Variants in PARD3 observed in about 807,000 individuals in gnomAD.
PARD3 encodes the protein partitioning defective 3 homolog.
PARD3 carries 75 observed loss-of-function variants against 155.4 expected under a neutral mutation model. The ratio of observed to expected loss-of-function variants is 0.48; its 90% CI spans 0.40 to 0.58. The LOEUF (loss-of-function observed/expected upper bound fraction) is 0.58. Among genes scored for constraint, PARD3 ranks in the 20% least tolerant of loss-of-function variants. The pLI is 0.00. For synonymous variants in PARD3, 576 were observed against 610.5 expected (o/e 0.94, Z 0.83); for missense variants, 1,642 against 1,721.7 (o/e 0.95, Z 0.82).
At chr10:34,173,666 C>G (rs1949905343) in intron 22 of PARD3, among the ~76,000 whole-genome samples, 2 of 152,140 alleles carry the variant, frequency 1.3e-5, no homozygotes, top group Admixed American at 6.5e-5. Flanking sequence ...ATCAAACCCT[C>G]CAACATCCCA....
chr10:34,426,399 TGTGCTTGG>T (rs1229919158), intron 5 of PARD3, among the ~76,000 whole-genome samples: 21 of 152,294 alleles, frequency 1.4e-4, no homozygotes, highest in African/African-American at 5.1e-4. Context: ...ACTTTTTGCA[TGTGCTTGG>T]TGGCTTACTT....
At chr10:34,276,315 C>T (rs1955877034) in intron 21 of PARD3, among the ~76,000 whole-genome samples, 1 of 151,830 alleles carries the variant, frequency 6.6e-6, no homozygotes, top group Non-Finnish European at 1.5e-5. Flanking sequence ...AAATAATACA[C>T]AAAATAATGT....
chr10:34,155,929 C>A (rs1215466635), intron 22 of PARD3, among the ~76,000 whole-genome samples: 1 of 152,036 alleles, frequency 6.6e-6, no homozygotes, highest in Non-Finnish European at 1.5e-5. Context: ...AAAAGCAGTA[C>A]AACAAACACA....
chr10:34,632,256 C>T (rs991191697), intron 2 of PARD3, among the ~76,000 whole-genome samples: 28 of 152,198 alleles, frequency 1.8e-4, no homozygotes, highest in African/African-American at 6.5e-4. Flanking sequence ...AAGACCGTGT[C>T]TCAAAAAGAG....
chr10:34,464,560 C>T (rs1002799496), intron 4 of PARD3, among the ~76,000 whole-genome samples: 1 of 152,112 alleles, frequency 6.6e-6, no homozygotes, highest in Non-Finnish European at 1.5e-5. Context: ...TAAATAAGGA[C>T]ATTCTCTGAA....
At chr10:34,508,330 G>A (rs2133519350) in intron 3 of PARD3, among the ~76,000 whole-genome samples, 1 of 152,234 alleles carries the variant, frequency 6.6e-6, no homozygotes, top group South Asian at 2.1e-4. Context: ...CAGATACTTT[G>A]TTTCCCCAAA....
intron 2 of PARD3, among the ~76,000 whole-genome samples, chr10:34,672,105 C>T (rs1434714687): frequency 6.6e-6 from 1 of 152,006 alleles, no homozygotes; most frequent in Non-Finnish European, 1.5e-5. Flanking sequence ...GAGTTCGAGG[C>T]TGCAGTGAGC....
intron 12 of PARD3, among the ~76,000 whole-genome samples, chr10:34,366,701 T>C (rs1057278167): frequency 1.3e-5 from 2 of 152,234 alleles, no homozygotes; most frequent in African/African-American, 4.8e-5. Context: ...TTTATATTTT[T>C]AACTAAGAGA....
chr10:34,368,552 G>T (rs971665994), intron 12 of PARD3, among the ~76,000 whole-genome samples: 2 of 152,066 alleles, frequency 1.3e-5, no homozygotes, highest in African/African-American at 4.8e-5. Context: ...GGCACCTGTA[G>T]TCCCAGCTAC....
chr10:34,785,437 T>C (rs538187749), intron 1 of PARD3, among the ~76,000 whole-genome samples: 1 of 152,254 alleles, frequency 6.6e-6, no homozygotes, highest in South Asian at 2.1e-4. Context: ...TTTTGCATCA[T>C]ACTTTTTTTT....
intron 20 of PARD3, among the ~76,000 whole-genome samples, chr10:34,294,430 G>T (rs1205466727): frequency 2.6e-5 from 4 of 152,328 alleles, no homozygotes; most frequent in Admixed American, 2.6e-4. Context: ...TGGTGGTGGG[G>T]AAGCCCCAGG....
At chr10:34,445,690 T>C (rs1366583132) in intron 5 of PARD3, among the ~76,000 whole-genome samples, 1 of 152,076 alleles carries the variant, frequency 6.6e-6, no homozygotes, top group Non-Finnish European at 1.5e-5. Context: ...ACAATGACAG[T>C]AGAATCATAA....
intron 1 of PARD3, among the ~76,000 whole-genome samples, chr10:34,735,553 G>C (rs1164734614): frequency 5.3e-5 from 8 of 152,102 alleles, no homozygotes; most frequent in Non-Finnish European, 1.2e-4. Context: ...CCAAAATCTG[G>C]CTTATATTAA....
chr10:34,204,801 G>A (rs1951391359), intron 22 of PARD3, among the ~76,000 whole-genome samples: 1 of 152,148 alleles, frequency 6.6e-6, no homozygotes, highest in Non-Finnish European at 1.5e-5. Flanking sequence ...TCTATATTAT[G>A]GGCTCATAAG....
rs1453386599 is a variant in PARD3, at chr10:34,391,855, T to C, written c.890+7475A>G. Reference sequence around the variant, plus strand: ...TATTTCAACTCAAAAACGCAAAACATTAAAAATATTCTCCTAGTGGCCAGA... The same window carrying C: ...TATTTCAACTCAAAAACGCAAAACACTAAAAATATTCTCCTAGTGGCCAGA... On this transcript the variant is annotated intron_variant, in intron 7 of 24. Coordinates refer to ENST00000374788, the MANE Select transcript of PARD3 (RefSeq NM_001184785.2). 3.3e-5 allele frequency among the ~76,000 whole-genome samples: 5 copies of C among 152,294 alleles called. No homozygotes were observed. The South Asian group carries it at 1.0e-3, about 32-fold the overall frequency.
chr10:34,757,422 T>TG (rs1411728592), intron 1 of PARD3, among the ~76,000 whole-genome samples: 1 of 152,200 alleles, frequency 6.6e-6, no homozygotes, highest in African/African-American at 2.4e-5. Flanking sequence ...AAACATGTCC[T>TG]GGCCGGGTGC....
Position 34,317,328 on chromosome 10 carries a change from G to T in PARD3, c.2844C>A (p.Asp948Glu), listed in dbSNP as rs1015431040. Reference sequence around the variant, plus strand: ...TCCCTGATCTTGAACTTTCTTCTGTGTCTTCTTCCACTTGGAAGGAAAGAA... The same window carrying T: ...TCCCTGATCTTGAACTTTCTTCTGTTTCTTCTTCCACTTGGAAGGAAAGAA... ...DDEGMETLEEDTEESSRSGRE... is the reference protein window; with the variant it reads ...DDEGMETLEEETEESSRSGRE... Residue 948 changes from aspartate (D) to glutamate (E), a missense_variant, in exon 20 of 25, where the codon GAC (aspartate) becomes GAA (glutamate). Physicochemically the swap from Asp to Glu is conservative, Grantham distance 45. Transcript: ENST00000374788. 6.3e-7 allele frequency: 1 copy of T among 1,593,396 alleles called. No homozygotes were observed. Among genetic ancestry groups the T allele is most frequent in the Non-Finnish European group, 8.5e-7 (1 of 1,172,940 alleles).
At chr10:34,382,241 C>G (rs1290246072) in intron 9 of PARD3, among the ~76,000 whole-genome samples, 3 of 152,286 alleles carry the variant, frequency 2.0e-5, no homozygotes, top group East Asian at 3.9e-4. Flanking sequence ...CTTTCACAAT[C>G]AAAAATTTTA....
At chr10:34,600,579 G>A (rs2089678591) in intron 2 of PARD3, among the ~76,000 whole-genome samples, 1 of 152,114 alleles carries the variant, frequency 6.6e-6, no homozygotes, top group Non-Finnish European at 1.5e-5. Context: ...CCAAGGAAAG[G>A]GAGGTAAGGG....
Sources: gnomAD v4.1 joint callset for allele counts (sites outside exome capture counted in the v4.1 genomes callset) on GRCh38, gnomAD v4.1.1 for gene constraint, MANE v1.5 for transcripts, NCBI Gene and HGNC (gene_info 2026-07-23, HGNC 2026-07-21) for gene names.